Variants in OTC observed in about 807,000 individuals in gnomAD.
OTC encodes ornithine transcarbamylase, mitochondrial.
Under a neutral mutation model 30.3 loss-of-function variants are expected in OTC, and 3 were observed. That is an observed-to-expected ratio of 0.10 (90% CI 0.05 to 0.26). The LOEUF is 0.26. Among genes scored for constraint, OTC ranks in the 10% least tolerant of loss-of-function variants. OTC has a pLI of 1.00. For synonymous variants in OTC, 111 were observed against 99.7 expected (o/e 1.11, Z -0.67); for missense variants, 194 against 260.3 (o/e 0.75, Z 1.75).
At position 38,421,304 on chromosome X, in the gene OTC, C is replaced by A; in HGVS notation, c.*222C>A. On this transcript the variant is annotated 3_prime_UTR_variant, in exon 10 of 10. Coordinates refer to ENST00000039007, the MANE Select transcript of OTC (RefSeq NM_000531.6). ...AACTTTGCTTAAACTCTCTAATTCC[C>A]AATTTCTGAGTTACATTTAGATATC... 1 of 390,712 alleles carries A rather than the reference C, an allele frequency of 2.6e-6. No individual in the cohort carries two copies. Among genetic ancestry groups the A allele is most frequent in the Non-Finnish European group, 4.5e-6 (1 of 222,198 alleles). 32.2% of individuals were successfully genotyped at this position (390,712 alleles called of 1,213,427 possible).
chrX:38,419,114 C>T (rs2068583150), intron 9 of OTC, among the ~76,000 whole-genome samples: 1 of 110,944 alleles, frequency 9.0e-6, no homozygotes, highest in South Asian at 3.8e-4. Context: ...ATTATGTGTT[C>T]TTGGCACCTC....
intron 4 of OTC, among the ~76,000 whole-genome samples, chrX:38,385,958 A>C (rs775702502): frequency 9.2e-6 from 1 of 109,191 alleles, no homozygotes; most frequent in African/African-American, 3.3e-5. Context: ...AAAATTCCGC[A>C]CACCTGTAGT....
chrX:38,397,325 T>C, intron 4 of OTC, among the ~76,000 whole-genome samples: 1 of 112,336 alleles, frequency 8.9e-6, no homozygotes, highest in Admixed American at 9.5e-5. Flanking sequence ...TGACTGTTTT[T>C]CTTTCAGCAG....
chrX:38,332,533 T>TATATA, the OTC span, among the ~76,000 whole-genome samples: 1 of 85,321 alleles, frequency 1.2e-5, no homozygotes, highest in African/African-American at 4.2e-5. Flanking sequence ...TATATATATA[T>TATATA]CATATAACAT....
In OTC at chrX:38,408,742, G is replaced by A. The variant is rs757459254; in HGVS notation, c.664G>A (p.Gly222Ser). 2.2e-5 allele frequency: 26 copies of A among 1,187,559 alleles called. No homozygotes were observed. The South Asian group carries it at 4.6e-4, about 21-fold the overall frequency. Residue 222 changes from glycine to serine, a missense_variant and splice_region_variant, in exon 7 of 10, where the codon GGT becomes AGT. Physicochemically the swap from Gly to Ser is moderately conservative, Grantham distance 56. Transcript: ENST00000039007. ...GMHLQAATPK[G>S]YEPDASVTKL... ...AAGATTTAAATTCTTCCTCCTTTAG[G>A]GTTATGAGCCGGATGCTAGTGTAAC...
chrX:38,382,681 G>A (rs1008709620), intron 4 of OTC, among the ~76,000 whole-genome samples: 1 of 112,275 alleles, frequency 8.9e-6, no homozygotes, highest in Non-Finnish European at 1.9e-5. Context: ...TTCCACAAAA[G>A]TGAAAATATA....
intron 1 of OTC, among the ~76,000 whole-genome samples, chrX:38,358,576 CA>C (rs1243951064): frequency 1.8e-5 from 2 of 108,981 alleles, no homozygotes; most frequent in Non-Finnish European, 3.8e-5. Flanking sequence ...AATGATTTTT[CA>C]GTGGTATAAA....
At chrX:38,345,857 A>G in the OTC span, among the ~76,000 whole-genome samples, 2 of 111,015 alleles carry the variant, frequency 1.8e-5, no homozygotes, top group African/African-American at 6.6e-5. Context: ...CGTAATTTCT[A>G]CTACAAAGGC....
intron 1 of OTC, among the ~76,000 whole-genome samples, chrX:38,364,824 G>A (rs1602013556): frequency 9.1e-6 from 1 of 109,401 alleles, no homozygotes; most frequent in African/African-American, 3.3e-5. Flanking sequence ...CAACCAATTA[G>A]CCAACCAACT....
intron 3 of OTC, among the ~76,000 whole-genome samples, chrX:38,373,081 A>G (rs1422508214): frequency 8.9e-6 from 1 of 112,268 alleles, no homozygotes; most frequent in Non-Finnish European, 1.9e-5. Context: ...TGCACAAATC[A>G]TTAAGCGTAT....
At chrX:38,356,941 G>C (rs999357746) in intron 1 of OTC, among the ~76,000 whole-genome samples, 2 of 111,500 alleles carry the variant, frequency 1.8e-5, no homozygotes, top group Non-Finnish European at 3.8e-5. Context: ...ACATCAGTGG[G>C]ATCACTGCAA....
chrX:38,418,872 A>G (rs769983216), intron 9 of OTC, among the ~76,000 whole-genome samples: 3 of 111,936 alleles, frequency 2.7e-5, no homozygotes, highest in Non-Finnish European at 3.8e-5. Flanking sequence ...TTTTCTTTAT[A>G]AATTTCCCAG....
At chrX:38,367,189 G>T in intron 1 of OTC, 102 bp from the exon 2 acceptor site, 12 of 593,610 alleles carry the variant, frequency 2.0e-5, no homozygotes, top group Non-Finnish European at 3.0e-5. Context: ...AAAAAAAAAA[G>T]AAAAGAAAAG....
At chrX:38,342,626 A>G in the OTC span, among the ~76,000 whole-genome samples, 10,753 of 111,326 alleles carry the variant, frequency 0.097, 545 homozygotes, top group Non-Finnish European at 0.15. Flanking sequence ...ATTGCATAAC[A>G]ATGAAGGTGA....
rs56125451 is a variant in OTC, at chrX:38,413,132, A to G, written c.1005+1133A>G. Among the ~76,000 whole-genome samples, 2,834 of 112,127 alleles carry G rather than the reference A, an allele frequency of 0.025. 102 individuals carry two copies. Among genetic ancestry groups the G allele is most frequent in the African/African-American group, 0.087 (2,682 of 30,811 alleles). On this transcript the variant is annotated intron_variant, in intron 9 of 9. Transcript: ENST00000039007. ...ACCCTAGCTGCAAGGGAGTTTGGGA[A>G]AGGCAGTTTTTAGCTTTCAGCCTCT...
chrX:38,344,103 G>C, the OTC span, among the ~76,000 whole-genome samples: 6 of 111,263 alleles, frequency 5.4e-5, no homozygotes, highest in Non-Finnish European at 1.1e-4. Context: ...CCGAGGTTGT[G>C]CCACTGCATT....
At chrX:38,328,938 A>G in the OTC span, among the ~76,000 whole-genome samples, 1 of 112,267 alleles carries the variant, frequency 8.9e-6, no homozygotes, top group Non-Finnish European at 1.9e-5. Context: ...ACTCCTAGAC[A>G]GTGCTGGACT....
At chrX:38,366,274 A>T (rs1463182394) in intron 1 of OTC, among the ~76,000 whole-genome samples, 1 of 111,889 alleles carries the variant, frequency 8.9e-6, no homozygotes, top group African/African-American at 3.2e-5. Flanking sequence ...AAATTTCTTA[A>T]GGTTTTTTTA....
In OTC at chrX:38,411,977, A is replaced by G. The variant is rs770394018; in HGVS notation, c.983A>G (p.Glu328Gly). 5 of 1,211,025 alleles carry G rather than the reference A, an allele frequency of 4.1e-6. No individual in the cohort carries two copies. The change falls in exon 9 of 10, where the codon GAA (glutamate) becomes GGA (glycine). Residue 328 changes from glutamate to glycine, a missense_variant. Physicochemically the swap from Glu to Gly is moderately conservative, Grantham distance 98 (BLOSUM62 -2). Transcript: ENST00000039007. The stretch of plus-strand genomic sequence containing the variant: ...CGATCACTAGTGTTCCCAGAGGCAG[A>G]AAACAGAAAGTGGACAATCATGGTA... ...SPRSLVFPEAENRKWTIMAVM... is the reference protein window; with the variant it reads ...SPRSLVFPEAGNRKWTIMAVM...
Sources: gnomAD v4.1 joint callset for allele counts (sites outside exome capture counted in the v4.1 genomes callset) on GRCh38, gnomAD v4.1.1 for gene constraint, MANE v1.5 for transcripts, NCBI Gene and HGNC (gene_info 2026-07-23, HGNC 2026-07-21) for gene names.